Variants in KCNAB1 observed in about 807,000 individuals in gnomAD.
KCNAB1 encodes potassium voltage-gated channel subfamily A regulatory beta subunit 1, also known as voltage-gated potassium channel subunit beta-1.
A neutral mutation model predicts 64.6 loss-of-function variants in KCNAB1; 35 were observed. That is an observed-to-expected ratio of 0.54 (90% confidence interval 0.41 to 0.72). The LOEUF is 0.72. KCNAB1 is among the 30% of genes least tolerant of loss of function. KCNAB1 has a pLI of 0.00. For missense variants in KCNAB1, 401 were observed against 512.9 expected (o/e 0.78, Z 2.11); for synonymous variants, 177 against 183.8 (o/e 0.96, Z 0.30).
chr3:156,447,372 A>ATG (rs1711640452), intron 2 of KCNAB1, among the ~76,000 whole-genome samples: 1 of 152,048 alleles, frequency 6.6e-6, no homozygotes, highest in Non-Finnish European at 1.5e-5. Context: ...GATGGGAGAA[A>ATG]TAATTACCAG....
intron 8 of KCNAB1, among the ~76,000 whole-genome samples, chr3:156,512,622 G>A (rs1314596173): frequency 6.6e-6 from 1 of 152,170 alleles, no homozygotes; most frequent in Non-Finnish European, 1.5e-5. Flanking sequence ...TCTATCTGGG[G>A]CAGAGATTCA....
intron 7 of KCNAB1, among the ~76,000 whole-genome samples, chr3:156,471,312 T>C (rs1334592704): frequency 6.6e-6 from 1 of 152,254 alleles, no homozygotes; most frequent in East Asian, 1.9e-4. Flanking sequence ...CTAAACAGTA[T>C]GGTTCTTGTT....
intron 1 of KCNAB1, among the ~76,000 whole-genome samples, chr3:156,306,486 A>G (rs1483233707): frequency 6.6e-6 from 1 of 152,214 alleles, no homozygotes; most frequent in Non-Finnish European, 1.5e-5. Context: ...TCCTCCCTGC[A>G]TCTCTTCACT....
chr3:156,318,167 G>A (rs575762807), intron 1 of KCNAB1, among the ~76,000 whole-genome samples: 1 of 152,202 alleles, frequency 6.6e-6, no homozygotes, highest in Non-Finnish European at 1.5e-5. Flanking sequence ...TCAAGTGAGA[G>A]ACAATAGGAC....
At chr3:156,158,118 T>C (rs1391104050) in intron 1 of KCNAB1, among the ~76,000 whole-genome samples, 1 of 142,204 alleles carries the variant, frequency 7.0e-6, no homozygotes, top group African/African-American at 2.6e-5. Flanking sequence ...TGAGGAGAGA[T>C]AGCGCCACTG....
chr3:156,526,533 C>T (rs372548452), intron 12 of KCNAB1, among the ~76,000 whole-genome samples: 1 of 152,214 alleles, frequency 6.6e-6, no homozygotes, highest in South Asian at 2.1e-4. Context: ...AGAGCAAGCA[C>T]ATTCCAATTC....
chr3:156,272,585 G>A (rs1002967563), intron 1 of KCNAB1, among the ~76,000 whole-genome samples: 3 of 151,752 alleles, frequency 2.0e-5, no homozygotes, highest in Non-Finnish European at 4.4e-5. Flanking sequence ...TGCCAGGCCT[G>A]GGACTCTACC....
chr3:156,517,789 A>C (rs745999125), intron 11 of KCNAB1, among the ~76,000 whole-genome samples: 6 of 152,250 alleles, frequency 3.9e-5, no homozygotes, highest in Non-Finnish European at 5.9e-5. Flanking sequence ...CTATATATGC[A>C]GAGTGTTTGT....
At chr3:156,276,081 A>G (rs1346334572) in intron 1 of KCNAB1, among the ~76,000 whole-genome samples, 1 of 151,978 alleles carries the variant, frequency 6.6e-6, no homozygotes, top group African/African-American at 2.4e-5. Context: ...AGTGAAAATT[A>G]CTCCTTAATC....
chr3:156,424,877 C>T (rs1715709171), intron 2 of KCNAB1, among the ~76,000 whole-genome samples: 1 of 152,070 alleles, frequency 6.6e-6, no homozygotes, highest in Admixed American at 6.6e-5. Flanking sequence ...TTTCAAGAGC[C>T]TGAACACTTG....
intron 1 of KCNAB1, chr3:156,143,350 GA>G (rs1375808573): frequency 6.2e-7 from 1 of 1,611,672 alleles, no homozygotes; most frequent in South Asian, 1.1e-5. Context: ...GAAATATGTG[GA>G]AAAGTTTCTA....
At chr3:156,485,062 A>T (rs1715100871) in intron 8 of KCNAB1, among the ~76,000 whole-genome samples, 1 of 152,128 alleles carries the variant, frequency 6.6e-6, no homozygotes, top group Non-Finnish European at 1.5e-5. Flanking sequence ...GTCCTGCACA[A>T]ATATTTTGAG....
At chr3:156,267,277 C>T (rs1344242221) in intron 1 of KCNAB1, among the ~76,000 whole-genome samples, 2 of 152,138 alleles carry the variant, frequency 1.3e-5, no homozygotes, top group African/African-American at 4.8e-5. Context: ...GTAGAAGCAT[C>T]GTTCTTCCTT....
chr3:156,400,898 A>T (rs192969066), intron 1 of KCNAB1, among the ~76,000 whole-genome samples: 1 of 152,178 alleles, frequency 6.6e-6, no homozygotes, highest in East Asian at 1.9e-4. Context: ...TTATGTACTC[A>T]CCATGTCATA....
chr3:156,229,000 AC>A (rs1716356136), intron 1 of KCNAB1, among the ~76,000 whole-genome samples: 1 of 152,044 alleles, frequency 6.6e-6, no homozygotes, highest in Non-Finnish European at 1.5e-5. Flanking sequence ...CACTAGACAT[AC>A]CCCAGAGGCA....
intron 3 of KCNAB1, among the ~76,000 whole-genome samples, chr3:156,455,693 A>G (rs961540051): frequency 6.6e-6 from 1 of 151,762 alleles, no homozygotes; most frequent in African/African-American, 2.4e-5. Flanking sequence ...TGAAGAGCAA[A>G]CTTCAGGGCC....
intron 1 of KCNAB1, among the ~76,000 whole-genome samples, chr3:156,328,649 C>T (rs947007356): frequency 6.6e-6 from 1 of 152,126 alleles, no homozygotes; most frequent in African/African-American, 2.4e-5. Flanking sequence ...CTTGTCTGTC[C>T]TTTCTACTTG....
chr3:156,318,588 G>A (rs1231047654), intron 1 of KCNAB1, among the ~76,000 whole-genome samples: 1 of 152,156 alleles, frequency 6.6e-6, no homozygotes, highest in Non-Finnish European at 1.5e-5. Context: ...TGTGACCCTG[G>A]TGCCTATAAG....
chr3:156,410,253 C>A (rs1714553872), intron 1 of KCNAB1, among the ~76,000 whole-genome samples: 2 of 152,148 alleles, frequency 1.3e-5, no homozygotes, highest in African/African-American at 2.4e-5. Flanking sequence ...GAATTGTTAA[C>A]TCATAACCCG....
Sources: allele counts gnomAD v4.1 joint callset (sites outside exome capture counted in the v4.1 genomes callset), GRCh38; gene constraint gnomAD v4.1.1; transcripts MANE v1.5; gene names NCBI Gene and HGNC (gene_info 2026-07-23, HGNC 2026-07-21).